The following BOC variants were observed in gnomAD, a reference collection of about 807,000 sequenced individuals.
BOC encodes the protein brother of CDO.
BOC carries 76 observed loss-of-function variants against 112.0 expected under a neutral mutation model. The ratio of observed to expected loss-of-function variants is 0.68; its 90% CI spans 0.56 to 0.82. The LOEUF (loss-of-function observed/expected upper bound fraction) is 0.82, where lower values mean the gene tolerates loss of function less well. BOC is among the 40% of genes least tolerant of loss of function. BOC has a pLI of 0.00. For synonymous variants in BOC, 580 were observed against 599.8 expected (o/e 0.97, Z 0.48); for missense variants, 1,309 against 1,511.7 (o/e 0.87, Z 2.22).
At chr3:113,280,907 C>T (rs979517390) in intron 14 of BOC, 124 bp from the exon 15 acceptor site, 21 of 1,328,850 alleles carry the variant, frequency 1.6e-5, no homozygotes, top group South Asian at 4.0e-5. Context: ...CTCCACACGC[C>T]GCCCCTGTGC....
At chr3:113,235,952 A>G (rs944208799) in intron 2 of BOC, among the ~76,000 whole-genome samples, 1 of 152,060 alleles carries the variant, frequency 6.6e-6, no homozygotes, top group African/African-American at 2.4e-5. Flanking sequence ...GAATGCTTAT[A>G]TACTGTTGTT....
intron 4 of BOC, 74 bp from the exon 5 acceptor site, chr3:113,268,223 AAG>A: frequency 1.3e-6 from 2 of 1,581,200 alleles, no homozygotes; most frequent in Non-Finnish European, 1.7e-6. Flanking sequence ...TGACAACACC[AAG>A]GCACAAGCCC....
intron 3 of BOC, 57 bp from the exon 4 acceptor site, chr3:113,250,498 G>T (rs908627093): frequency 1.3e-6 from 2 of 1,542,366 alleles, no homozygotes; most frequent in Non-Finnish European, 1.7e-6. Context: ...TTCTAAAAAC[G>T]TGATGTTGTT....
At chr3:113,220,399 C>T (rs1166271460) in intron 2 of BOC, among the ~76,000 whole-genome samples, 1 of 152,114 alleles carries the variant, frequency 6.6e-6, no homozygotes, top group African/African-American at 2.4e-5. Context: ...AATTATGTGA[C>T]CAGCTACTTG....
chr3:113,263,010 G>C (rs1432638062), intron 4 of BOC, among the ~76,000 whole-genome samples: 1 of 152,232 alleles, frequency 6.6e-6, no homozygotes, highest in Non-Finnish European at 1.5e-5. Context: ...CTCAAAAAGG[G>C]ACTGAGGTGC....
chr3:113,264,666 C>T (rs536617616), intron 4 of BOC, among the ~76,000 whole-genome samples: 9 of 152,272 alleles, frequency 5.9e-5, no homozygotes, highest in African/African-American at 2.2e-4. Context: ...TGGCCCCCTT[C>T]CTGTCCAAAA....
intron 4 of BOC, among the ~76,000 whole-genome samples, chr3:113,254,222 T>G (rs1945970443): frequency 6.6e-6 from 1 of 152,178 alleles, no homozygotes; most frequent in Non-Finnish European, 1.5e-5. Context: ...TGGGCTTATT[T>G]GAAAGCCAAG....
At position 113,252,764 on chromosome 3, in the gene BOC, G is replaced by T. The variant is rs556474505; in HGVS notation, c.376+1931G>T. ...ATCTTGGAGCCCCCCTCACAGTGGA[G>T]CCACTCCTCTTTGTGGCAGAAGGGT... On this transcript the variant is annotated intron_variant, in intron 4 of 19. Transcript: ENST00000682979. Among the ~76,000 whole-genome samples, 29 of 152,310 alleles carry T rather than the reference G, an allele frequency of 1.9e-4. No individual in the cohort carries two copies. The East Asian group carries it at 5.2e-3, about 27-fold the overall frequency.
At chr3:113,234,030 C>T (rs1943085820) in intron 2 of BOC, among the ~76,000 whole-genome samples, 1 of 152,190 alleles carries the variant, frequency 6.6e-6, no homozygotes, top group African/African-American at 2.4e-5. Flanking sequence ...TGGAAAAGAC[C>T]TTAGAGGTAG....
chr3:113,258,315 G>T (rs1378151675), intron 4 of BOC, among the ~76,000 whole-genome samples: 1 of 152,028 alleles, frequency 6.6e-6, no homozygotes, highest in Admixed American at 6.5e-5. Context: ...ATATTTCCAT[G>T]GTGAGCTCAA....
chr3:113,280,898 TC>T (rs1239256591), intron 14 of BOC, 132 bp from the exon 15 acceptor site: 1 of 1,267,678 alleles, frequency 7.9e-7, no homozygotes, highest in African/African-American at 1.5e-5. Context: ...CCAGCGTTCC[TC>T]CACACGCCGC....
intron 2 of BOC, among the ~76,000 whole-genome samples, chr3:113,224,097 GC>G (rs1941237654): frequency 6.6e-6 from 1 of 152,238 alleles, no homozygotes. Context: ...TTGCTTTGGA[GC>G]TGCGGATAGC....
At chr3:113,244,672 A>G (rs536363752) in intron 2 of BOC, among the ~76,000 whole-genome samples, 1 of 152,360 alleles carries the variant, frequency 6.6e-6, no homozygotes, top group Non-Finnish European at 1.5e-5. Flanking sequence ...GCACAAATAT[A>G]GAATATTTCC....
rs1949010172 is a variant in BOC, at chr3:113,279,713, T to C, written c.2024-111T>C. ...CTTGTGAGGCCTTTGAGAACTTGCT[T>C]TGGGGAAGGGCTGCCCAGAAGACCC... On this transcript the variant is annotated intron_variant, in intron 12 of 19. Coordinates refer to ENST00000682979, the MANE Select transcript of BOC (RefSeq NM_001378074.1). 3 of 1,224,046 alleles carry C rather than the reference T, an allele frequency of 2.5e-6. No homozygotes were observed. The East Asian group carries it at 7.1e-5, about 29-fold the overall frequency. The allele number at this position is 1,224,046 out of a possible 1,614,324, so 75.8% of individuals were successfully genotyped here. A position where few individuals can be genotyped will look rare whatever the true frequency, so the allele number is the denominator to read the frequency against.
chr3:113,272,774 A>G, intron 7 of BOC, 71 bp downstream of exon 7: 1 of 1,532,202 alleles, frequency 6.5e-7, no homozygotes, highest in Non-Finnish European at 8.9e-7. Context: ...TAGAAATGTA[A>G]CCCAGGCTCA....
chr3:113,279,860 T>G lies in BOC; in HGVS notation c.2060T>G (p.Met687Arg). The change falls in exon 13 of 20, where the codon ATG becomes AGG. Residue 687 changes from methionine (M) to arginine (R), a missense_variant. Coordinates refer to ENST00000682979, the MANE Select transcript of BOC (RefSeq NM_001378074.1). ...SYKFRVRALN[M>R]LGESEPSAPS... ...AAGTTTCGAGTCCGGGCTCTGAACA[T>G]GCTGGGGGAGAGCGAGCCCAGCGCC... 1 of 1,613,206 alleles carries G rather than the reference T, an allele frequency of 6.2e-7. No homozygotes were observed. Among genetic ancestry groups the G allele is most frequent in the Non-Finnish European group, 8.5e-7 (1 of 1,179,542 alleles).
chr3:113,259,753 A>G, intron 4 of BOC, among the ~76,000 whole-genome samples: 1 of 152,210 alleles, frequency 6.6e-6, no homozygotes, highest in East Asian at 1.9e-4. Context: ...AAACAAAAGG[A>G]AAAAAACTTG....
chr3:113,276,966 T>C (rs1393126207), intron 9 of BOC, among the ~76,000 whole-genome samples: 1 of 152,180 alleles, frequency 6.6e-6, no homozygotes, highest in Non-Finnish European at 1.5e-5. Context: ...TAAAGTCTGT[T>C]GTCCCGAAAG....
At chr3:113,277,482 C>T (rs1375199089) in intron 9 of BOC, among the ~76,000 whole-genome samples, 4 of 152,242 alleles carry the variant, frequency 2.6e-5, no homozygotes, top group Non-Finnish European at 4.4e-5. Context: ...TTGGTGCTCA[C>T]TAGCCGTGTG....
Sources: gnomAD v4.1 joint callset for allele counts (sites outside exome capture counted in the v4.1 genomes callset) on GRCh38, gnomAD v4.1.1 for gene constraint, MANE v1.5 for transcripts, NCBI Gene and HGNC (gene_info 2026-07-23, HGNC 2026-07-21) for gene names.